RFX4: variants seen among roughly 807,000 people sequenced by gnomAD.
The protein encoded by RFX4 is transcription factor RFX4.
RFX4 carries 10 observed loss-of-function variants against 95.0 expected under a neutral mutation model. That is an observed-to-expected ratio of 0.11 (90% CI 0.06 to 0.18). RFX4 has a LOEUF of 0.18. RFX4 is among the 10% of genes least tolerant of loss of function. RFX4 has a pLI of 1.00. For missense variants in RFX4, 640 were observed against 922.0 expected, an observed-to-expected ratio of 0.69 and a Z score of 3.96; for synonymous variants, 321 against 340.7, an observed-to-expected ratio of 0.94 and a Z score of 0.64.
At chr12:106,635,842 T>G (rs989727344) in intron 2 of RFX4, among the ~76,000 whole-genome samples, 10 of 152,200 alleles carry the variant, frequency 6.6e-5, no homozygotes, top group Non-Finnish European at 8.8e-5. Context: ...TTAAATTTGC[T>G]TTTCCCTCAG....
intron 17 of RFX4, among the ~76,000 whole-genome samples, chr12:106,755,600 A>G (rs2043094168): frequency 6.6e-6 from 1 of 152,206 alleles, no homozygotes; most frequent in African/African-American, 2.4e-5. Flanking sequence ...GTAAGTTTCA[A>G]GTTGCCAAAG....
chr12:106,673,184 C>T (rs569915118), intron 4 of RFX4, among the ~76,000 whole-genome samples: 11 of 152,266 alleles, frequency 7.2e-5, no homozygotes, highest in African/African-American at 2.6e-4. Flanking sequence ...GGGCTAACTC[C>T]GTCAGTGAAG....
intron 15 of RFX4, among the ~76,000 whole-genome samples, chr12:106,734,801 C>G (rs2042679590): frequency 1.3e-5 from 2 of 151,926 alleles, no homozygotes; most frequent in Admixed American, 1.3e-4. Flanking sequence ...GTGACTCACC[C>G]TGTAATCCCA....
intron 1 of RFX4, among the ~76,000 whole-genome samples, chr12:106,592,613 C>T (rs2039564351): frequency 7.0e-6 from 1 of 142,682 alleles, no homozygotes; most frequent in South Asian, 2.5e-4. Flanking sequence ...CTCTTGCCTT[C>T]CCCCCACCCC....
intron 8 of RFX4, among the ~76,000 whole-genome samples, chr12:106,706,211 G>A (rs143005577): frequency 6.6e-6 from 1 of 152,234 alleles, no homozygotes; most frequent in Non-Finnish European, 1.5e-5. Context: ...CCAGAGGTCC[G>A]GAATGCAGAG....
chr12:106,753,339 ATGGCAATCATATTGCCGTCTTTG>A (rs1290876715), intron 17 of RFX4, among the ~76,000 whole-genome samples: 1 of 152,024 alleles, frequency 6.6e-6, no homozygotes, highest in African/African-American at 2.4e-5. Flanking sequence ...ATGGGCATTC[ATGGCAATCATATTGCCGTCTTTG>A]TGGCATTCCT....
intron 15 of RFX4, among the ~76,000 whole-genome samples, chr12:106,746,961 C>G (rs2042907979): frequency 6.6e-6 from 1 of 152,116 alleles, no homozygotes; most frequent in South Asian, 2.1e-4. Context: ...ACTGGGAATC[C>G]ATTGGTGGCC....
intron 1 of RFX4, among the ~76,000 whole-genome samples, chr12:106,603,404 T>A (rs1051155738): frequency 6.6e-6 from 1 of 152,244 alleles, no homozygotes; most frequent in African/African-American, 2.4e-5. Flanking sequence ...GGTTTCCAAA[T>A]CTTCAGTCCA....
intron 1 of RFX4, among the ~76,000 whole-genome samples, chr12:106,595,281 A>G (rs1377577522): frequency 6.6e-6 from 1 of 152,088 alleles, no homozygotes; most frequent in South Asian, 2.1e-4. Flanking sequence ...TGCCTCCCCA[A>G]CTCCAGAGCT....
chr12:106,679,208 A>C (rs2041453569), intron 4 of RFX4, among the ~76,000 whole-genome samples: 1 of 152,220 alleles, frequency 6.6e-6, no homozygotes, highest in South Asian at 2.1e-4. Flanking sequence ...CTGTAATCCC[A>C]GCACTTTGAG....
chr12:106,753,674 G>A (rs1375675213), intron 17 of RFX4, among the ~76,000 whole-genome samples: 1 of 152,144 alleles, frequency 6.6e-6, no homozygotes. Flanking sequence ...ACAGTAACCT[G>A]CCTGAGGGGT....
At chr12:106,645,508 G>A (rs2040727652) in intron 3 of RFX4, among the ~76,000 whole-genome samples, 2 of 152,000 alleles carry the variant, frequency 1.3e-5, no homozygotes, top group Admixed American at 1.3e-4. Context: ...GGGGGGATTG[G>A]GGGGAGATTT....
intron 13 of RFX4, among the ~76,000 whole-genome samples, chr12:106,730,098 A>AGAGG (rs1003863737): frequency 6.6e-6 from 1 of 152,054 alleles, no homozygotes; most frequent in Non-Finnish European, 1.5e-5. Context: ...GGCTGTAGAG[A>AGAGG]GAGGGGGTCA....
At chr12:106,670,200 C>A (rs963654138) in intron 4 of RFX4, among the ~76,000 whole-genome samples, 1 of 152,156 alleles carries the variant, frequency 6.6e-6, no homozygotes. Flanking sequence ...TCTTTCTGAA[C>A]AATTTTGAGA....
At chr12:106,678,949 T>C (rs576878616) in intron 4 of RFX4, among the ~76,000 whole-genome samples, 1 of 152,348 alleles carries the variant, frequency 6.6e-6, no homozygotes, top group African/African-American at 2.4e-5. Flanking sequence ...TAGACTTACA[T>C]TTAGCTTTTC....
In RFX4 at chr12:106,720,682, C is replaced by A. The variant is rs570881656; in HGVS notation, c.1234-77C>A. 7.1e-7 allele frequency: 1 copy of A among 1,415,066 alleles called. No homozygotes were observed. Among genetic ancestry groups the A allele is most frequent in the Non-Finnish European group, 1.0e-6 (1 of 1,001,054 alleles). The allele number at this position is 1,415,066 out of a possible 1,614,324, so 87.7% of individuals were successfully genotyped here. A position where few individuals can be genotyped will look rare whatever the true frequency, so the allele number is the denominator to read the frequency against. On this transcript the variant is annotated intron_variant, in intron 12 of 17. Transcript: ENST00000392842. The surrounding 1 kb of genome is among the most constrained non-coding windows in gnomAD (Gnocchi z 4.2). Reference sequence around the variant, plus strand: ...GATTACAGGCGTGAGCCACTTCAACCGGCCTCATTTTTCAAAGAGACAGTA... The same window carrying A: ...GATTACAGGCGTGAGCCACTTCAACAGGCCTCATTTTTCAAAGAGACAGTA...
chr12:106,640,748 G>A (rs1025466853), intron 3 of RFX4, among the ~76,000 whole-genome samples: 7 of 151,546 alleles, frequency 4.6e-5, no homozygotes, highest in Middle Eastern at 3.2e-3. Context: ...CTGGGAGTGG[G>A]AGTTTCTAGA....
chr12:106,694,074 T>A (rs1478071324), intron 7 of RFX4, among the ~76,000 whole-genome samples: 2 of 152,202 alleles, frequency 1.3e-5, no homozygotes, highest in African/African-American at 2.4e-5. Context: ...CTCCTCCAGA[T>A]TTTGTTTTCA....
At chr12:106,624,196 A>C (rs1460822832) in intron 2 of RFX4, among the ~76,000 whole-genome samples, 2 of 152,234 alleles carry the variant, frequency 1.3e-5, no homozygotes, top group African/African-American at 4.8e-5. Context: ...TTTATAGCTG[A>C]AAGGAAGGAT....
Sources: gnomAD v4.1 joint callset for allele counts (sites outside exome capture counted in the v4.1 genomes callset) on GRCh38, gnomAD v4.1.1 for gene constraint, Gnocchi (gnomAD v3.1) non-coding constraint, MANE v1.5 for transcripts, NCBI Gene and HGNC (gene_info 2026-07-23, HGNC 2026-07-21) for gene names.